SLC71A1: variants seen among roughly 807,000 people sequenced by gnomAD.
SLC71A1 encodes the protein hippocampus abundant gene transcript 1.
the SLC71A1 span, among the ~76,000 whole-genome samples, chr1:100,057,117 G>A: frequency 2.0e-5 from 3 of 152,108 alleles, no homozygotes; most frequent in Admixed American, 1.3e-4. Context: ...TATTCTGTGG[G>A]TTGTCTCTTC....
the SLC71A1 span, among the ~76,000 whole-genome samples, chr1:100,046,664 A>T: frequency 6.6e-6 from 1 of 152,128 alleles, no homozygotes; most frequent in Non-Finnish European, 1.5e-5. Context: ...GAATCTGTAG[A>T]TTGCTTTTGG....
the SLC71A1 span, among the ~76,000 whole-genome samples, chr1:100,040,651 A>G: frequency 6.6e-6 from 1 of 152,140 alleles, no homozygotes; most frequent in African/African-American, 2.4e-5. Context: ...CAGTAGAGAC[A>G]AAGTTTCACC....
the SLC71A1 span, among the ~76,000 whole-genome samples, chr1:100,063,295 CAAAACA>C: frequency 0.081 from 11,995 of 148,016 alleles, 736 homozygotes; most frequent in African/African-American, 0.19. Context: ...CAAAACAAAA[CAAAACA>C]AAAAACACTG....
chr1:100,047,331 T>C, the SLC71A1 span, among the ~76,000 whole-genome samples: 5 of 152,246 alleles, frequency 3.3e-5, no homozygotes, highest in Non-Finnish European at 5.9e-5. Context: ...CTTCATTCTT[T>C]TGAAATGATG....
the SLC71A1 span, among the ~76,000 whole-genome samples, chr1:100,044,605 T>C: frequency 2.1e-4 from 31 of 149,026 alleles, no homozygotes; most frequent in African/African-American, 6.7e-4. Flanking sequence ...AACCTCTGCC[T>C]CTCAGGTTCA....
chr1:100,050,684 A>G, the SLC71A1 span, among the ~76,000 whole-genome samples: 1 of 152,216 alleles, frequency 6.6e-6, no homozygotes, highest in Non-Finnish European at 1.5e-5. Context: ...TTTTATAAAA[A>G]AGTTATTTAA....
chr1:100,059,868 A>AT, the SLC71A1 span: 1 of 1,592,106 alleles, frequency 6.3e-7, no homozygotes, highest in Non-Finnish European at 8.5e-7. Flanking sequence ...TTTTCATTTA[A>AT]TTTTTTTAGG....
chr1:100,068,048 G>C, the SLC71A1 span: 2 of 1,614,120 alleles, frequency 1.2e-6, no homozygotes, highest in Non-Finnish European at 1.7e-6. Flanking sequence ...GAGTATATGG[G>C]GACAGCTTGG....
At chr1:100,051,439 T>G in the SLC71A1 span, among the ~76,000 whole-genome samples, 1 of 149,554 alleles carries the variant, frequency 6.7e-6, no homozygotes, top group African/African-American at 2.4e-5. Flanking sequence ...TGAGTATTGC[T>G]ATAAAAAAAT....
chr1:100,082,095 T>C, the SLC71A1 span: 2 of 1,613,980 alleles, frequency 1.2e-6, no homozygotes, highest in African/African-American at 2.7e-5. Flanking sequence ...AACATACCAA[T>C]TTAAGCTTAA....
At chr1:100,057,505 C>T in the SLC71A1 span, among the ~76,000 whole-genome samples, 11 of 152,088 alleles carry the variant, frequency 7.2e-5, no homozygotes, top group African/African-American at 2.4e-4. Flanking sequence ...CAGGCGCCTG[C>T]CACCACGCCT....
At chr1:100,055,649 C>T in the SLC71A1 span, among the ~76,000 whole-genome samples, 1 of 152,050 alleles carries the variant, frequency 6.6e-6, no homozygotes, top group African/African-American at 2.4e-5. Flanking sequence ...TTGATACAGG[C>T]ATACAGTATG....
At chr1:100,068,597 C>T in the SLC71A1 span, 10 of 1,436,364 alleles carry the variant, frequency 7.0e-6, no homozygotes, top group Admixed American at 6.8e-5. Flanking sequence ...GTAAAATCCT[C>T]TTCCACTAAG....
the SLC71A1 span, chr1:100,080,414 T>G: frequency 9.2e-7 from 1 of 1,082,114 alleles, no homozygotes; most frequent in African/African-American, 1.6e-5. Context: ...TTAGATTAAG[T>G]GATTTCATAT....
chr1:100,080,604 C>A, the SLC71A1 span: 9 of 1,614,028 alleles, frequency 5.6e-6, no homozygotes, highest in Non-Finnish European at 7.6e-6. Flanking sequence ...AAAGAACTGC[C>A]AATAACAGGA....
At chr1:100,042,189 A>G in the SLC71A1 span, among the ~76,000 whole-genome samples, 7 of 152,204 alleles carry the variant, frequency 4.6e-5, no homozygotes, top group South Asian at 2.1e-4. Context: ...TGGCCATACA[A>G]TTGTGGAACT....
the SLC71A1 span, chr1:100,058,632 G>A: frequency 9.2e-7 from 1 of 1,088,402 alleles, no homozygotes; most frequent in African/African-American, 1.6e-5. Context: ...CTGAAATATA[G>A]CATGTGATTT....
chr1:100,060,677 T>A, the SLC71A1 span, among the ~76,000 whole-genome samples: 92 of 152,094 alleles, frequency 6.0e-4, 2 homozygotes, highest in South Asian at 8.1e-3. Flanking sequence ...TGCATTTCTT[T>A]GGTCAGATTT....
chr1:100,076,462 C>A, the SLC71A1 span, among the ~76,000 whole-genome samples: 18 of 152,086 alleles, frequency 1.2e-4, no homozygotes, highest in African/African-American at 4.1e-4. Context: ...GTTTATTAAC[C>A]GCTGATTATT....
Sources: gnomAD v4.1 joint callset for allele counts (sites outside exome capture counted in the v4.1 genomes callset) on GRCh38, gnomAD v4.1.1 for gene constraint, MANE v1.5 for transcripts, NCBI Gene and HGNC (gene_info 2026-07-23, HGNC 2026-07-21) for gene names.